Variants in MAD1L1 observed in about 807,000 individuals in gnomAD.
The protein encoded by MAD1L1 is mitotic spindle assembly checkpoint protein MAD1.
Under a neutral mutation model 96.9 loss-of-function variants are expected in MAD1L1, and 95 were observed. The observed-to-expected ratio is 0.98, with a 90% CI of 0.83 to 1.16. The LOEUF (loss-of-function observed/expected upper bound fraction) is 1.16. MAD1L1 is among the 50% of genes most tolerant of loss of function. The probability of loss-of-function intolerance (pLI) is 0.00; values close to 1 mark genes in which losing one functional copy is unlikely to be tolerated. For synonymous variants in MAD1L1, 473 were observed against 396.6 expected (o/e 1.19, Z -2.29); for missense variants, 1,007 against 954.4 (o/e 1.06, Z -0.73).
intron 18 of MAD1L1, among the ~76,000 whole-genome samples, chr7:1,825,266 G>C (rs996796985): frequency 1.3e-5 from 2 of 152,228 alleles, no homozygotes; most frequent in African/African-American, 4.8e-5. Flanking sequence ...CCGTCTGCCT[G>C]GAGTGTCTCC....
chr7:2,164,008 CTG>C (rs1253320183), intron 10 of MAD1L1, among the ~76,000 whole-genome samples: 1 of 152,154 alleles, frequency 6.6e-6, no homozygotes, highest in Non-Finnish European at 1.5e-5. Context: ...CATTGCGAAT[CTG>C]TGACTCTGAG....
intron 10 of MAD1L1, among the ~76,000 whole-genome samples, chr7:2,195,951 T>C (rs866559077): frequency 1.3e-4 from 20 of 152,256 alleles, no homozygotes; most frequent in South Asian, 4.1e-4. Flanking sequence ...GCTAAATGGA[T>C]GGCAGCTCCC....
intron 10 of MAD1L1, among the ~76,000 whole-genome samples, chr7:2,149,836 C>G (rs966149606): frequency 4.3e-4 from 65 of 152,328 alleles, no homozygotes; most frequent in Middle Eastern, 3.4e-3. Context: ...CGGCCCGAGC[C>G]ACATCTTCTA....
chr7:1,847,053 T>C (rs1420660635), intron 18 of MAD1L1: 1 of 344,110 alleles, frequency 2.9e-6, no homozygotes, highest in Non-Finnish European at 5.7e-6. Context: ...ATTTGCTCCT[T>C]GGCCCCAAGA....
intron 17 of MAD1L1, among the ~76,000 whole-genome samples, chr7:1,928,228 C>T (rs1188427732): frequency 1.3e-5 from 2 of 151,032 alleles, no homozygotes; most frequent in Non-Finnish European, 3.0e-5. Context: ...GACGGAACTC[C>T]TGCCACGCCA....
intron 18 of MAD1L1, among the ~76,000 whole-genome samples, chr7:1,833,993 A>G (rs1337703330): frequency 3.3e-5 from 5 of 152,236 alleles, no homozygotes; most frequent in Non-Finnish European, 5.9e-5. Context: ...GTTCTCTGAC[A>G]ATAATGAAAT....
At chr7:2,053,113 G>C (rs1180210882) in intron 12 of MAD1L1, among the ~76,000 whole-genome samples, 1 of 152,248 alleles carries the variant, frequency 6.6e-6, no homozygotes, top group East Asian at 1.9e-4. Flanking sequence ...TACACGTCTT[G>C]CGACTTTGGT....
rs1218873955 is a variant in MAD1L1 at position 2,222,597 on chromosome 7, TCCTCTTTCTCACGCAG to T, written c.433_448del (p.Leu145ThrfsTer13). On this transcript the variant is annotated frameshift_variant, in exon 5 of 19. Coordinates refer to ENST00000265854, the MANE Select transcript of MAD1L1 (RefSeq NM_001013836.2). LOFTEE classifies it high-confidence loss of function. The stretch of plus-strand genomic sequence containing the variant: ...CACCTCGCCAGCCTGGGCCAGACTG[TCCTCTTTCTCACGCAG>T]CCTCTTGCTGGCAGCATCCAAGTTC... The T allele has an allele frequency of 1.9e-6, 3 of 1,610,592 alleles. No homozygotes were observed. In the East Asian group the frequency reaches 6.7e-5, roughly 36 times the overall value.
Position 2,103,768 on chromosome 7 carries a change from C to T in MAD1L1, c.1074-34430G>A, listed in dbSNP as rs890730593. Reference sequence around the variant, plus strand: ...CCCAGCAGTGTGGCATAAGCAGACCCCCTGAACCACTGTGCACGGAGTCCC... The same window carrying T: ...CCCAGCAGTGTGGCATAAGCAGACCTCCTGAACCACTGTGCACGGAGTCCC... On this transcript the variant is annotated intron_variant, in intron 11 of 18. Transcript: ENST00000265854. This position sits in a 1 kb window ranked among gnomAD's most constrained non-coding sequence, Gnocchi z 4.3. 6.6e-6 allele frequency among the ~76,000 whole-genome samples: 1 copy of T among 152,194 alleles called. No individual in the cohort carries two copies. The highest frequency in any genetic ancestry group is 2.4e-5 in the African/African-American group (1 of 41,452).
intron 11 of MAD1L1, among the ~76,000 whole-genome samples, chr7:2,143,025 G>A (rs558860742): frequency 1.1e-4 from 17 of 152,236 alleles, no homozygotes; most frequent in African/African-American, 4.1e-4. Context: ...ATGCCCTGAA[G>A]GCTCCCAGAA....
chr7:1,927,046 C>G (rs935230532), intron 17 of MAD1L1, among the ~76,000 whole-genome samples: 2 of 152,070 alleles, frequency 1.3e-5, no homozygotes, highest in African/African-American at 4.8e-5. Context: ...GGTTACAAAG[C>G]CAGCATAAAC....
At chr7:2,165,606 C>G (rs759228601) in intron 10 of MAD1L1, among the ~76,000 whole-genome samples, 39 of 149,006 alleles carry the variant, frequency 2.6e-4, no homozygotes, top group Non-Finnish European at 5.2e-4. Context: ...GGAGAGGGGA[C>G]TCTGCGCCGT....
At position 2,064,833 on chromosome 7, in the gene MAD1L1, C is replaced by T. The variant is rs138806425; in HGVS notation, c.1218+4361G>A. On this transcript the variant is annotated intron_variant, in intron 12 of 18. Transcript: ENST00000265854. ...AGGACAGCGGCTTCTCCCAGGACAG[C>T]GGCTTCTCCTAGGAGGACAGTGTCT... Among the ~76,000 whole-genome samples, 211 of 150,588 alleles carry T rather than the reference C, an allele frequency of 1.4e-3. 2 individuals carry two copies. The highest frequency in any genetic ancestry group is 4.7e-3 in the African/African-American group (191 of 40,816).
At chr7:2,087,409 G>A (rs888725855) in intron 11 of MAD1L1, among the ~76,000 whole-genome samples, 1 of 152,058 alleles carries the variant, frequency 6.6e-6, no homozygotes, top group Admixed American at 6.5e-5. Flanking sequence ...GCCTGGTGGC[G>A]CGCGCCTGTA....
intron 11 of MAD1L1, among the ~76,000 whole-genome samples, chr7:2,118,459 C>T (rs1048814259): frequency 2.6e-5 from 4 of 152,242 alleles, no homozygotes; most frequent in African/African-American, 7.2e-5. Context: ...GGAGCTTGGC[C>T]GTGTGGGCGC....
intron 10 of MAD1L1, among the ~76,000 whole-genome samples, chr7:2,195,565 C>T (rs1791944809): frequency 6.6e-6 from 1 of 152,202 alleles, no homozygotes; most frequent in Admixed American, 6.5e-5. Flanking sequence ...AAGCCTGCCC[C>T]TCCCTTGCTG....
At chr7:1,878,263 A>G (rs1785487060) in intron 18 of MAD1L1, among the ~76,000 whole-genome samples, 1 of 152,160 alleles carries the variant, frequency 6.6e-6, no homozygotes, top group Admixed American at 6.5e-5. Flanking sequence ...AATATCTCAC[A>G]CAAATTCTTC....
At chr7:2,032,463 A>G (rs1231142708) in intron 12 of MAD1L1, among the ~76,000 whole-genome samples, 5 of 152,204 alleles carry the variant, frequency 3.3e-5, no homozygotes. Context: ...CGAGTCCTGA[A>G]AAGATTTGGT....
chr7:2,001,118 CCCTGAGAG>C (rs1367056804), intron 14 of MAD1L1, among the ~76,000 whole-genome samples: 1 of 152,242 alleles, frequency 6.6e-6, no homozygotes, highest in Non-Finnish European at 1.5e-5. Flanking sequence ...GGCCCTGAGG[CCCTGAGAG>C]CCAGGACACC....
Sources: allele counts gnomAD v4.1 joint callset (sites outside exome capture counted in the v4.1 genomes callset), GRCh38; gene constraint gnomAD v4.1.1; non-coding constraint Gnocchi (gnomAD v3.1); transcripts MANE v1.5; gene names NCBI Gene and HGNC (gene_info 2026-07-23, HGNC 2026-07-21).